MED12L: variants seen among roughly 807,000 people sequenced by gnomAD.
MED12L encodes mediator of RNA polymerase II transcription subunit 12-like protein.
A neutral mutation model predicts 281.3 loss-of-function variants in MED12L; 60 were observed. That is an observed-to-expected ratio of 0.21 (90% CI 0.17 to 0.26). The LOEUF (loss-of-function observed/expected upper bound fraction) is 0.26, where lower values mean the gene tolerates loss of function less well. Ranked by LOEUF, MED12L falls within the 10% of genes least tolerant of loss-of-function variation. The pLI, the probability that MED12L is intolerant of heterozygous loss-of-function variation, is 1.00. For synonymous variants in MED12L, 974 were observed against 987.2 expected (o/e 0.99, Z 0.25); for missense variants, 2,146 against 2,680.9 (o/e 0.80, Z 4.41).
Position 151,240,834 on chromosome 3 carries a change from T to C in MED12L, c.2250+47168T>C, listed in dbSNP as rs547277470. 2.6e-5 allele frequency among the ~76,000 whole-genome samples: 4 copies of C among 152,340 alleles called. No individual in the cohort carries two copies. The South Asian group carries it at 8.3e-4, about 32-fold the overall frequency. On this transcript the variant is annotated intron_variant, in intron 16 of 44. Transcript: ENST00000687756. ...TCCTTAGGTCAGAGACAAGGAGTGA[T>C]AGGTGAAAGGGTAGTGGATTTGAAG... is the stretch of plus-strand genomic sequence containing the variant.
chr3:151,166,188 A>G (rs1344774843), intron 11 of MED12L, among the ~76,000 whole-genome samples: 1 of 152,166 alleles, frequency 6.6e-6, no homozygotes, highest in Admixed American at 6.5e-5. Flanking sequence ...ACCTAGGAAT[A>G]TTGATATATT....
chr3:151,313,000 TAGAG>T (rs1747752136), intron 16 of MED12L, among the ~76,000 whole-genome samples: 2 of 152,304 alleles, frequency 1.3e-5, no homozygotes, highest in African/African-American at 4.8e-5. Flanking sequence ...ACCTGAGGCT[TAGAG>T]AGAATACTTG....
At chr3:151,242,296 T>A (rs999539354) in intron 16 of MED12L, among the ~76,000 whole-genome samples, 4 of 152,208 alleles carry the variant, frequency 2.6e-5, no homozygotes, top group South Asian at 2.1e-4. Context: ...CCTGCCTGCC[T>A]CTCTAGGCTC....
chr3:151,210,915 C>T (rs1727062177), intron 16 of MED12L, among the ~76,000 whole-genome samples: 1 of 152,202 alleles, frequency 6.6e-6, no homozygotes, highest in Admixed American at 6.5e-5. Context: ...TCTGCAGGCA[C>T]CTGAGTTGTA....
intron 16 of MED12L, chr3:151,213,992 T>C (rs752336571): frequency 6.2e-7 from 1 of 1,614,054 alleles, no homozygotes; most frequent in South Asian, 1.1e-5. Flanking sequence ...AAGAACACAA[T>C]GCTGACGTAC....
chr3:151,158,765 A>G lies in MED12L; in HGVS notation c.803A>G (p.Asp268Gly), dbSNP rs1173826572. Residue 268 changes from aspartate (D) to glycine (G), a missense_variant, in exon 7 of 45, where the codon GAT (aspartate) becomes GGT (glycine). Physicochemically the swap from Asp to Gly is moderately conservative, Grantham distance 94. Coordinates refer to ENST00000687756, the MANE Select transcript of MED12L (RefSeq NM_001393769.1). ...VLEKIRPMDD[D>G]LLKLLLPLML... ...GAAAAGATCAGACCAATGGATGATG[A>G]TCTTCTTAAACTCTTGCTACCACTA... The G allele has an allele frequency of 1.2e-6, 2 of 1,613,154 alleles. No homozygotes were observed. Among genetic ancestry groups the G allele is most frequent in the Non-Finnish European group, 1.7e-6 (2 of 1,179,358 alleles).
At chr3:151,117,354 T>C (rs1167049915) in intron 3 of MED12L, among the ~76,000 whole-genome samples, 1 of 152,172 alleles carries the variant, frequency 6.6e-6, no homozygotes, top group Non-Finnish European at 1.5e-5. Flanking sequence ...AAGTTTATCT[T>C]GTTCTTTCCC....
chr3:151,187,291 CAT>C (rs1204447970), intron 12 of MED12L, among the ~76,000 whole-genome samples: 10 of 152,166 alleles, frequency 6.6e-5, no homozygotes, highest in African/African-American at 1.4e-4. Context: ...TTCTGTATTG[CAT>C]ATGTGTTTTT....
chr3:151,225,420 C>T (rs9821937), intron 16 of MED12L, among the ~76,000 whole-genome samples: 19,072 of 152,130 alleles, frequency 0.13, 1,304 homozygotes, highest in Middle Eastern at 0.17. Flanking sequence ...CCTGCTGCAT[C>T]ATGGTGGAAG....
chr3:151,271,384 G>C (rs915702244), intron 16 of MED12L, among the ~76,000 whole-genome samples: 4 of 152,136 alleles, frequency 2.6e-5, no homozygotes, highest in Admixed American at 2.6e-4. Flanking sequence ...TAGAATAATT[G>C]ATACTTTGGT....
At chr3:151,341,798 G>T (rs556306690) in intron 16 of MED12L, among the ~76,000 whole-genome samples, 7 of 148,844 alleles carry the variant, frequency 4.7e-5, no homozygotes, top group Non-Finnish European at 7.4e-5. Context: ...TCATTGTTCA[G>T]TTCCCACCTA....
In MED12L at chr3:151,263,990, C is replaced by T. The variant is rs192038719; in HGVS notation, c.2250+70324C>T. Among the ~76,000 whole-genome samples the T allele has an allele frequency of 2.8e-4, 42 of 152,332 alleles. No individual in the cohort carries two copies. In the East Asian group the frequency reaches 7.5e-3, roughly 27 times the overall value. On this transcript the variant is annotated intron_variant, in intron 16 of 44. Coordinates refer to ENST00000687756, the MANE Select transcript of MED12L (RefSeq NM_001393769.1). ...TGAGATCTCTTACCACCACTCCTTC[C>T]CTCTCCCCTACCCACTTAACAGTAT...
At chr3:151,193,700 T>A in intron 16 of MED12L, 34 bp downstream of exon 16, 1 of 1,512,584 alleles carries the variant, frequency 6.6e-7, no homozygotes, top group Non-Finnish European at 9.1e-7. Context: ...TATACCCTGA[T>A]TATTTTATTA....
chr3:151,393,007 G>C (rs984953782), intron 38 of MED12L, among the ~76,000 whole-genome samples: 1 of 152,150 alleles, frequency 6.6e-6, no homozygotes, highest in African/African-American at 2.4e-5. Context: ...TTCAATAGAA[G>C]TTACCCAGCC....
chr3:151,417,929 C>A (rs1463130102), intron 43 of MED12L, among the ~76,000 whole-genome samples: 1 of 152,166 alleles, frequency 6.6e-6, no homozygotes, highest in African/African-American at 2.4e-5. Context: ...GCCTACCTAT[C>A]CAATGTGTAT....
chr3:151,342,899 C>G (rs1752051244), intron 16 of MED12L, among the ~76,000 whole-genome samples: 1 of 152,120 alleles, frequency 6.6e-6, no homozygotes, highest in Admixed American at 6.6e-5. Context: ...TATTAATAAT[C>G]TCAACTATTC....
rs1712914201 is a variant in MED12L, at chr3:151,384,234, G to C, written c.4926+16G>C. ...GAAACTGAAAGTAAGTTTGAGATCA[G>C]CCTGTATTATGAGCTCAAGTTGTTT... On this transcript the variant is annotated intron_variant, in intron 35 of 44. Coordinates refer to ENST00000687756, the MANE Select transcript of MED12L (RefSeq NM_001393769.1). 2 of 1,596,564 alleles carry C rather than the reference G, an allele frequency of 1.3e-6. No homozygotes were observed. Among genetic ancestry groups the C allele is most frequent in the Non-Finnish European group, 1.7e-6 (2 of 1,173,426 alleles).
intron 21 of MED12L, among the ~76,000 whole-genome samples, chr3:151,363,206 A>G (rs1289812949): frequency 6.6e-6 from 1 of 152,136 alleles, no homozygotes; most frequent in Non-Finnish European, 1.5e-5. Context: ...AGTTTCCTCT[A>G]TTTGAAAAAA....
chr3:151,179,252 A>T lies in MED12L; in HGVS notation c.1495-6078A>T, dbSNP rs1036660496. Among the ~76,000 whole-genome samples, 31 of 152,168 alleles carry T rather than the reference A, an allele frequency of 2.0e-4. 1 individual carries two copies. Among genetic ancestry groups the T allele is most frequent in the African/African-American group, 6.3e-4 (26 of 41,526 alleles). ...CTACTTTGGAGGCTAAGGCAGGAGA[A>T]TCGCTTGAACCCAAGAGGCAGAGCT... On this transcript the variant is annotated intron_variant, in intron 11 of 44. Transcript: ENST00000687756.
Sources: allele counts gnomAD v4.1 joint callset (sites outside exome capture counted in the v4.1 genomes callset), GRCh38; gene constraint gnomAD v4.1.1; transcripts MANE v1.5; gene names NCBI Gene and HGNC (gene_info 2026-07-23, HGNC 2026-07-21).